ATP2A2: variants seen among roughly 807,000 people sequenced by gnomAD.
ATP2A2 encodes sarcoplasmic/endoplasmic reticulum calcium ATPase 2.
A neutral mutation model predicts 109.3 loss-of-function variants in ATP2A2; 14 were observed. The observed-to-expected ratio is 0.13, with a 90% CI of 0.08 to 0.20. ATP2A2 has a LOEUF of 0.20. ATP2A2 is among the 10% of genes least tolerant of loss of function. ATP2A2 has a pLI of 1.00. For missense variants in ATP2A2, 657 were observed against 1,321.6 expected, an observed-to-expected ratio of 0.50 and a Z score of 7.80; for synonymous variants, 506 against 490.9, an observed-to-expected ratio of 1.03 and a Z score of -0.41.
At chr12:110,300,804 T>C (rs1874547321) in intron 5 of ATP2A2, among the ~76,000 whole-genome samples, 2 of 151,834 alleles carry the variant, frequency 1.3e-5, no homozygotes, top group South Asian at 4.2e-4. Context: ...AGCAACAGAT[T>C]TTGATAATAG....
chr12:110,306,520 C>T (rs1264855338), intron 5 of ATP2A2, among the ~76,000 whole-genome samples: 1 of 152,126 alleles, frequency 6.6e-6, no homozygotes, highest in Non-Finnish European at 1.5e-5. Context: ...CTCTTTCCCT[C>T]CCACTTTTTG....
chr12:110,342,174 G>A lies in ATP2A2; in HGVS notation c.2098-54G>A. 6.3e-7 allele frequency: 1 copy of A among 1,593,204 alleles called. No homozygotes were observed. Among genetic ancestry groups the A allele is most frequent in the Non-Finnish European group, 8.6e-7 (1 of 1,161,054 alleles). On this transcript the variant is annotated intron_variant, in intron 14 of 19. Transcript: ENST00000539276. This position sits in a 1 kb window ranked among gnomAD's most constrained non-coding sequence, Gnocchi z 4.6. Reference sequence around the variant, plus strand: ...TCCCATTCAGTGGGCTTTTGCCTAGGGGTATGAATGTGGCATGCCAGTTGG... The same window carrying A: ...TCCCATTCAGTGGGCTTTTGCCTAGAGGTATGAATGTGGCATGCCAGTTGG...
chr12:110,311,590 C>A (rs1876044938), intron 5 of ATP2A2, among the ~76,000 whole-genome samples: 1 of 79,010 alleles, frequency 1.3e-5, no homozygotes, highest in Non-Finnish European at 2.3e-5. Context: ...AGCGAGACTC[C>A]ATCTCAAAAA....
rs942086224 is a variant in ATP2A2, at chr12:110,342,904, A to G, written c.2319-328A>G. On this transcript the variant is annotated intron_variant, in intron 15 of 19. Coordinates refer to ENST00000539276, the MANE Select transcript of ATP2A2 (RefSeq NM_170665.4). The surrounding 1 kb of genome is among the most constrained non-coding windows in gnomAD (Gnocchi z 4.6). Reference sequence around the variant, plus strand: ...CAGGCATGCGCCACCACTCCCTGCCATTTTTTTGTGTTTTAGTAGAAATGA... The same window carrying G: ...CAGGCATGCGCCACCACTCCCTGCCGTTTTTTTGTGTTTTAGTAGAAATGA... Among the ~76,000 whole-genome samples, 2 of 151,734 alleles carry G rather than the reference A, an allele frequency of 1.3e-5. No homozygotes were observed. Among genetic ancestry groups the G allele is most frequent in the African/African-American group, 2.4e-5 (1 of 41,268 alleles).
chr12:110,288,230 C>T (rs1349565226), intron 3 of ATP2A2, among the ~76,000 whole-genome samples: 3 of 148,062 alleles, frequency 2.0e-5, no homozygotes, highest in Non-Finnish European at 4.4e-5. Flanking sequence ...CCCGAGTAGT[C>T]AGGACTACAG....
At chr12:110,319,169 A>G (rs757069177) in intron 5 of ATP2A2, among the ~76,000 whole-genome samples, 5 of 147,466 alleles carry the variant, frequency 3.4e-5, no homozygotes, top group Non-Finnish European at 7.5e-5. Context: ...TGATCACGCC[A>G]GTATACTCCA....
At chr12:110,321,345 T>C (rs1424685752) in intron 5 of ATP2A2, among the ~76,000 whole-genome samples, 6 of 152,178 alleles carry the variant, frequency 3.9e-5, no homozygotes, top group African/African-American at 7.2e-5. Flanking sequence ...GTCTGAAAAA[T>C]GATTTGATTT....
intron 11 of ATP2A2, among the ~76,000 whole-genome samples, chr12:110,338,452 C>A (rs545190925): frequency 1.3e-5 from 2 of 152,230 alleles, no homozygotes; most frequent in South Asian, 4.1e-4. Flanking sequence ...TCCTTGTCTC[C>A]CTTCAGCCAA....
Position 110,327,894 on chromosome 12 carries a change from C to A in ATP2A2, c.972C>A (p.Arg324=), listed in dbSNP as rs1484094240. The change falls in exon 8 of 20, where the codon CGC becomes CGA. Residue 324 remains arginine (R), a synonymous_variant. Transcript: ENST00000539276. This position sits in a 1 kb window ranked among gnomAD's most constrained non-coding sequence, Gnocchi z 4.4. ...CCACCTGCCTGGCTCTTGGAACTCG[C>A]AGAATGGCAAAGAAAAATGCCATTG... The part of the protein sequence containing the change: ...VITTCLALGT[R]RMAKKNAIVR... The A allele has an allele frequency of 1.2e-6, 2 of 1,614,002 alleles. No individual in the cohort carries two copies. The highest frequency in any genetic ancestry group is 1.1e-5 in the South Asian group (1 of 91,076).
At chr12:110,329,079 A>C (rs184502465) in intron 8 of ATP2A2, among the ~76,000 whole-genome samples, 1 of 152,356 alleles carries the variant, frequency 6.6e-6, no homozygotes. Context: ...CAAACTCTGC[A>C]GATGCTCAAG....
chr12:110,295,448 A>G (rs1873866897), intron 4 of ATP2A2, among the ~76,000 whole-genome samples: 1 of 152,174 alleles, frequency 6.6e-6, no homozygotes, highest in South Asian at 2.1e-4. Flanking sequence ...TACAGGCATG[A>G]GCTACTGTGC....
intron 3 of ATP2A2, among the ~76,000 whole-genome samples, chr12:110,285,349 CT>C (rs910296542): frequency 3.9e-5 from 6 of 152,294 alleles, no homozygotes; most frequent in South Asian, 2.1e-4. Flanking sequence ...AAGACCCCCC[CT>C]CTATCATTCA....
chr12:110,333,871 C>T (rs1878576035), intron 10 of ATP2A2, 141 bp from the exon 11 acceptor site: 4 of 1,027,800 alleles, frequency 3.9e-6, no homozygotes, highest in Non-Finnish European at 5.8e-6. Flanking sequence ...TCTGGGTCAC[C>T]TGTTTCAGAG....
In ATP2A2 at chr12:110,340,616, C is replaced by A; in HGVS notation, c.1762-43C>A. ...CATTTTTCAAACTAGGGGACAAAAA[C>A]TAGAACTTGCCACTTTTATTTAAAG... On this transcript the variant is annotated intron_variant, in intron 13 of 19. Transcript: ENST00000539276. The surrounding 1 kb of genome is among the most constrained non-coding windows in gnomAD (Gnocchi z 6.0). The A allele has an allele frequency of 6.2e-7, 1 of 1,604,600 alleles. No individual in the cohort carries two copies. Among genetic ancestry groups the A allele is most frequent in the Non-Finnish European group, 8.5e-7 (1 of 1,172,246 alleles).
intron 5 of ATP2A2, among the ~76,000 whole-genome samples, chr12:110,298,750 T>C (rs1157544843): frequency 6.6e-6 from 1 of 152,154 alleles, no homozygotes; most frequent in East Asian, 1.9e-4. Context: ...TTGACACAAA[T>C]GTTATACTAT....
intron 11 of ATP2A2, among the ~76,000 whole-genome samples, chr12:110,338,143 G>A (rs2137847075): frequency 6.6e-6 from 1 of 152,310 alleles, no homozygotes; most frequent in East Asian, 1.9e-4. Context: ...AGGAGGTGAA[G>A]GCTCCATAGT....
At chr12:110,309,908 CAA>C (rs58660341) in intron 5 of ATP2A2, among the ~76,000 whole-genome samples, 16,778 of 135,576 alleles carry the variant, frequency 0.12, 1,123 homozygotes, top group African/African-American at 0.2. Context: ...GACCCTGACT[CAA>C]AAAAAAAAAA....
In ATP2A2 at chr12:110,311,732, T is replaced by TAA. The variant is rs74429533; in HGVS notation, c.464-11244_464-11243dup. ...TGTAAAATATGAAAAGAGAATTGTTTAAAAAAAAAAAAAAAAAGGTGTTGG... is the reference window on the plus strand; with the variant it reads ...TGTAAAATATGAAAAGAGAATTGTTTAAAAAAAAAAAAAAAAAAAGGTGTTGG... On this transcript the variant is annotated intron_variant, in intron 5 of 19. Coordinates refer to ENST00000539276, the MANE Select transcript of ATP2A2 (RefSeq NM_170665.4). Among the ~76,000 whole-genome samples, 9 of 138,746 alleles carry TAA rather than the reference T, an allele frequency of 6.5e-5. No homozygotes were observed. The South Asian group carries it at 9.4e-4, about 14-fold the overall frequency. The allele number at this position is 138,746 out of a possible 152,430, so 91.0% of individuals were successfully genotyped here.
chr12:110,317,148 A>G (rs908054240), intron 5 of ATP2A2, among the ~76,000 whole-genome samples: 4 of 152,202 alleles, frequency 2.6e-5, no homozygotes, highest in African/African-American at 7.2e-5. Flanking sequence ...TTATGACTCA[A>G]ATTGGAAACA....
Sources: allele counts gnomAD v4.1 joint callset (sites outside exome capture counted in the v4.1 genomes callset), GRCh38; gene constraint gnomAD v4.1.1; non-coding constraint Gnocchi (gnomAD v3.1); transcripts MANE v1.5; gene names NCBI Gene and HGNC (gene_info 2026-07-23, HGNC 2026-07-21).